Variants in DNM1L observed in about 807,000 individuals in gnomAD.
DNM1L encodes the protein dynamin 1L, also known as dynamin-1-like protein.
DNM1L carries 33 observed loss-of-function variants against 92.8 expected under a neutral mutation model. The ratio of observed to expected loss-of-function variants is 0.36; its 90% CI spans 0.27 to 0.48. The LOEUF (loss-of-function observed/expected upper bound fraction) is 0.48, where lower values mean the gene tolerates loss of function less well. DNM1L is among the 20% of genes least tolerant of loss of function. The pLI, the probability that DNM1L is intolerant of heterozygous loss-of-function variation, is 0.99. For missense variants in DNM1L, 485 were observed against 888.8 expected (o/e 0.55, Z 5.78); for synonymous variants, 284 against 305.0 (o/e 0.93, Z 0.72).
At chr12:32,702,655 C>T (rs1404562617) in intron 2 of DNM1L, among the ~76,000 whole-genome samples, 1 of 151,118 alleles carries the variant, frequency 6.6e-6, no homozygotes, top group Non-Finnish European at 1.5e-5. Context: ...TTTTCATTTA[C>T]TGTAGGAGCT....
At chr12:32,679,747 G>T in intron 1 of DNM1L, 2 of 1,115,962 alleles carry the variant, frequency 1.8e-6, no homozygotes, top group Non-Finnish European at 2.2e-6. Flanking sequence ...GAGAGGGAAG[G>T]ATGGGGCCGG....
chr12:32,743,329 T>TA (rs767688421), intron 19 of DNM1L, 25 bp from the exon 20 acceptor site: 5 of 1,608,582 alleles, frequency 3.1e-6, no homozygotes, highest in Admixed American at 1.7e-5. Context: ...AATAAGCATT[T>TA]AAAATTTTTT....
At chr12:32,679,489 C>T (rs1232259082) in intron 1 of DNM1L, 24 bp downstream of exon 1, 1 of 1,597,618 alleles carries the variant, frequency 6.3e-7, no homozygotes, top group African/African-American at 1.3e-5. Context: ...GCGGCGTTCG[C>T]TCGGGCCAGA....
chr12:32,733,600 TAA>T (rs565219052), intron 12 of DNM1L, 113 bp from the exon 13 acceptor site: 22 of 814,802 alleles, frequency 2.7e-5, no homozygotes, highest in Non-Finnish European at 4.4e-5. Flanking sequence ...AATTTAGGCA[TAA>T]GTTTCCTGTA....
In DNM1L at chr12:32,743,506, A is replaced by G. The variant is rs912686203; in HGVS notation, c.*96A>G. On this transcript the variant is annotated 3_prime_UTR_variant, in exon 20 of 20. Coordinates refer to ENST00000549701, the MANE Select transcript of DNM1L (RefSeq NM_012062.5). ...TATTTATGAACTCCTGTGTATTGCA[A>G]TGGTATGAATCTGCTCATGTGGAGA... 93 of 1,197,790 alleles carry G rather than the reference A, an allele frequency of 7.8e-5. No individual in the cohort carries two copies. In the South Asian group the frequency reaches 8.2e-4, roughly 11 times the overall value. The allele number at this position is 1,197,790 out of a possible 1,614,324, so 74.2% of individuals were successfully genotyped here. A position where few individuals can be genotyped will look rare whatever the true frequency, so the allele number is the denominator to read the frequency against.
In DNM1L at chr12:32,743,761, A is replaced by T; in HGVS notation, c.*351A>T. 1 of 280,228 alleles carries T rather than the reference A, an allele frequency of 3.6e-6. No homozygotes were observed. The highest frequency in any genetic ancestry group is 5.0e-5 in the South Asian group (1 of 20,000). 17.4% of individuals were successfully genotyped at this position (280,228 alleles called of 1,614,324 possible). On this transcript the variant is annotated 3_prime_UTR_variant, in exon 20 of 20. Transcript: ENST00000549701. The stretch of plus-strand genomic sequence containing the variant: ...TGTAATAATCTTTGTTAGTAGTCTT[A>T]AAGCTGCTGCCATAGTCCTCCAAGA...
chr12:32,712,290 T>A (rs1953157481), intron 5 of DNM1L, among the ~76,000 whole-genome samples: 1 of 152,178 alleles, frequency 6.6e-6, no homozygotes, highest in Non-Finnish European at 1.5e-5. Flanking sequence ...GTTACGTCCC[T>A]ATTCTTCTCC....
rs1241327809 is a variant in DNM1L at position 32,717,505 on chromosome 12, A to T, written c.620-1138A>T. 1.7e-5 allele frequency among the ~76,000 whole-genome samples: 2 copies of T among 115,236 alleles called. 1 individual carries two copies. The highest frequency in any genetic ancestry group is 4.6e-4 in the East Asian group (2 of 4,366). 75.6% of individuals were successfully genotyped at this position (115,236 alleles called of 152,430 possible). ...TTATATATATATAGTATATATATATATTTTAGACGGAGTCCTGCTCTGCAT... is the reference window on the plus strand; with the variant it reads ...TTATATATATATAGTATATATATATTTTTTAGACGGAGTCCTGCTCTGCAT... On this transcript the variant is annotated intron_variant, in intron 6 of 19. Coordinates refer to ENST00000549701, the MANE Select transcript of DNM1L (RefSeq NM_012062.5).
chr12:32,680,308 A>C (rs1565965003), intron 1 of DNM1L, among the ~76,000 whole-genome samples: 3 of 152,198 alleles, frequency 2.0e-5, no homozygotes, highest in Non-Finnish European at 4.4e-5. Context: ...CTTCGATTAG[A>C]GTTCAGAGAA....
At chr12:32,714,963 G>A (rs1565514581) in intron 6 of DNM1L, among the ~76,000 whole-genome samples, 2 of 152,116 alleles carry the variant, frequency 1.3e-5, no homozygotes, top group African/African-American at 4.8e-5. Context: ...TCATGCCATT[G>A]CACTCTTGCC....
At chr12:32,719,938 G>T (rs1376968785) in intron 7 of DNM1L, among the ~76,000 whole-genome samples, 1 of 152,090 alleles carries the variant, frequency 6.6e-6, no homozygotes, top group African/African-American at 2.4e-5. Flanking sequence ...CATATGGTAG[G>T]AAACACTGAA....
chr12:32,684,049 G>C (rs565407390), intron 1 of DNM1L, among the ~76,000 whole-genome samples: 1 of 152,186 alleles, frequency 6.6e-6, no homozygotes, highest in Non-Finnish European at 1.5e-5. Flanking sequence ...AAATATTCAT[G>C]TAACACAAAA....
chr12:32,679,514 C>T (rs1315277605), intron 1 of DNM1L, 49 bp downstream of exon 1: 1 of 1,551,702 alleles, frequency 6.4e-7, no homozygotes, highest in Non-Finnish European at 8.8e-7. Context: ...GGCCGCAGGC[C>T]TGGTCGGTGC....
chr12:32,741,748 T>C (rs573165606), intron 18 of DNM1L, among the ~76,000 whole-genome samples: 12 of 152,368 alleles, frequency 7.9e-5, no homozygotes, highest in African/African-American at 2.9e-4. Flanking sequence ...CAAATACTAT[T>C]GTGTTACAGT....
intron 16 of DNM1L, 32 bp downstream of exon 16, chr12:32,738,328 G>GT: frequency 6.2e-7 from 1 of 1,612,670 alleles, no homozygotes; most frequent in South Asian, 1.1e-5. Flanking sequence ...GGAAATGTTG[G>GT]TACCTTTGGT....
chr12:32,717,787 T>C (rs1953545294), intron 6 of DNM1L, among the ~76,000 whole-genome samples: 1 of 121,308 alleles, frequency 8.2e-6, no homozygotes, highest in Admixed American at 1.1e-4. Flanking sequence ...TAGGTAGATA[T>C]ATATATTTGT....
rs1187287636 is a variant in DNM1L, at chr12:32,740,095, G to A, written c.1739G>A (p.Gly580Asp). 2 of 1,614,068 alleles carry A rather than the reference G, an allele frequency of 1.2e-6. No homozygotes were observed. Among genetic ancestry groups the A allele is most frequent in the Non-Finnish European group, 1.7e-6 (2 of 1,180,036 alleles). Reference protein sequence around the residue: ...VASGGGGVGDGVQEPTTGNWR... With the variant: ...VASGGGGVGDDVQEPTTGNWR... ...TCTGGAGGTGGTGGGGTTGGAGATG[G>A]TGTTCAAGAACCAACCACAGGCAAC... is the stretch of plus-strand genomic sequence containing the variant. The change falls in exon 17 of 20, where the codon GGT (glycine) becomes GAT (aspartate). Residue 580 changes from glycine (G) to aspartate (D), a missense_variant. Physicochemically the swap from Gly to Asp is moderately conservative, Grantham distance 94. Around this residue, in one of 11 missense-constraint regions of DNM1L, gnomAD observed 133 missense variants for 210.9 expected, o/e 0.63. Coordinates refer to ENST00000549701, the MANE Select transcript of DNM1L (RefSeq NM_012062.5).
intron 12 of DNM1L, 59 bp from the exon 13 acceptor site, chr12:32,733,656 C>T: frequency 7.1e-7 from 1 of 1,417,362 alleles, no homozygotes; most frequent in Non-Finnish European, 1.0e-6. Flanking sequence ...ATATAAATTT[C>T]TCAAAGTAAA....
rs2137425225 is a variant in DNM1L at position 32,718,758 on chromosome 12, T to G, written c.735T>G (p.Val245=). ...TCAAACTTGGAATAATTGGAGTAGT[T>G]AACAGGTTAGCAGTTAGAATGGGAT... is the stretch of plus-strand genomic sequence containing the variant. ...IPVKLGIIGV[V]NRSQLDINNK... Residue 245 remains valine, a synonymous_variant, in exon 7 of 20, where the codon GTT becomes GTG. Transcript: ENST00000549701. The G allele has an allele frequency of 3.1e-6, 5 of 1,613,846 alleles. No homozygotes were observed. The highest frequency in any genetic ancestry group is 4.2e-6 in the Non-Finnish European group (5 of 1,179,818).
Sources: allele counts gnomAD v4.1 joint callset (sites outside exome capture counted in the v4.1 genomes callset), GRCh38; gene constraint gnomAD v4.1.1; regional missense constraint gnomAD v4.1.1; transcripts MANE v1.5; gene names NCBI Gene and HGNC (gene_info 2026-07-23, HGNC 2026-07-21).